The following JAM2 variants were observed in gnomAD, a reference collection of about 807,000 sequenced individuals.
JAM2 encodes junctional adhesion molecule B.
In JAM2, 17 loss-of-function variants were observed where a neutral mutation model predicts 42.0. The observed-to-expected ratio is 0.40, with a 90% CI of 0.28 to 0.61. The LOEUF (loss-of-function observed/expected upper bound fraction) is 0.61, where lower values mean the gene tolerates loss of function less well. Among genes scored for constraint, JAM2 ranks in the 20% least tolerant of loss-of-function variants. The pLI is 0.37. For synonymous variants in JAM2, 118 were observed against 128.6 expected (o/e 0.92, Z 0.56); for missense variants, 319 against 358.3 (o/e 0.89, Z 0.89).
At chr21:25,695,641 G>A (rs2123391967) in intron 4 of JAM2, among the ~76,000 whole-genome samples, 1 of 151,676 alleles carries the variant, frequency 6.6e-6, no homozygotes, top group South Asian at 2.1e-4. Flanking sequence ...CGGCGGCAGG[G>A]CGGAGATGCT....
chr21:25,710,825 T>C (rs931909942), intron 8 of JAM2, among the ~76,000 whole-genome samples: 4 of 152,222 alleles, frequency 2.6e-5, no homozygotes, highest in Non-Finnish European at 4.4e-5. Context: ...GGTGTCATTT[T>C]AATTTTTCAA....
chr21:25,689,067 G>C (rs2033818970), intron 2 of JAM2, among the ~76,000 whole-genome samples: 1 of 151,834 alleles, frequency 6.6e-6, no homozygotes, highest in African/African-American at 2.4e-5. Context: ...TGAAAAGAAG[G>C]GGGTTCCTTT....
chr21:25,663,256 C>G (rs558366570), intron 1 of JAM2, among the ~76,000 whole-genome samples: 5 of 152,232 alleles, frequency 3.3e-5, no homozygotes, highest in Middle Eastern at 3.4e-3. Context: ...TTGAAGGAAC[C>G]TGGAATTCAT....
At chr21:25,648,372 T>A (rs1321215449) in intron 1 of JAM2, among the ~76,000 whole-genome samples, 1 of 152,130 alleles carries the variant, frequency 6.6e-6, no homozygotes, top group Non-Finnish European at 1.5e-5. Flanking sequence ...CCTAAGCATA[T>A]TGGAGACATG....
intron 8 of JAM2, 79 bp downstream of exon 8, chr21:25,709,528 G>C: frequency 2.1e-6 from 2 of 951,370 alleles, no homozygotes; most frequent in Non-Finnish European, 3.2e-6. Context: ...AAAGTCAAAA[G>C]AGAGAAGTTG....
At chr21:25,673,196 T>G (rs2033401186) in intron 1 of JAM2, among the ~76,000 whole-genome samples, 1 of 152,214 alleles carries the variant, frequency 6.6e-6, no homozygotes, top group Admixed American at 6.5e-5. Context: ...ATTGAACATG[T>G]GCAGGACAAT....
At chr21:25,686,351 T>A (rs1428078442) in intron 2 of JAM2, among the ~76,000 whole-genome samples, 1 of 152,258 alleles carries the variant, frequency 6.6e-6, no homozygotes, top group East Asian at 1.9e-4. Flanking sequence ...TCATAAGGCA[T>A]AAATACATTT....
At chr21:25,712,181 A>T in intron 8 of JAM2, 159 bp from the exon 9 acceptor site, 2 of 663,230 alleles carry the variant, frequency 3.0e-6, no homozygotes, top group Admixed American at 2.1e-5. Flanking sequence ...GTCTGTAAAT[A>T]TAAGAAATTC....
At chr21:25,694,178 A>T (rs1419192586) in intron 4 of JAM2, among the ~76,000 whole-genome samples, 1 of 152,238 alleles carries the variant, frequency 6.6e-6, no homozygotes, top group Non-Finnish European at 1.5e-5. Context: ...TACAATATAC[A>T]TAGGAGTATC....
chr21:25,686,805 A>C (rs569911370), intron 2 of JAM2, among the ~76,000 whole-genome samples: 10 of 152,248 alleles, frequency 6.6e-5, no homozygotes, highest in Non-Finnish European at 1.3e-4. Context: ...AAATCAAAGG[A>C]TAATTAGCAG....
chr21:25,696,019 T>A (rs1384298525), intron 4 of JAM2, among the ~76,000 whole-genome samples: 1 of 152,078 alleles, frequency 6.6e-6, no homozygotes, highest in African/African-American at 2.4e-5. Flanking sequence ...CTCGGCACTT[T>A]GGGAGGCCAA....
At chr21:25,680,474 G>C (rs1434532339) in intron 1 of JAM2, among the ~76,000 whole-genome samples, 3 of 152,234 alleles carry the variant, frequency 2.0e-5, no homozygotes, top group African/African-American at 7.2e-5. Context: ...CAGCACCTAA[G>C]TTTCTGGTGT....
At chr21:25,697,423 G>T (rs879808428) in intron 4 of JAM2, among the ~76,000 whole-genome samples, 23 of 152,198 alleles carry the variant, frequency 1.5e-4, no homozygotes, top group Admixed American at 1.4e-3. Flanking sequence ...TGCAATCTTG[G>T]GAGACTACCT....
intron 1 of JAM2, 22 bp from the exon 2 acceptor site, chr21:25,683,861 C>G: frequency 6.5e-7 from 1 of 1,534,142 alleles, no homozygotes; most frequent in East Asian, 2.3e-5. Flanking sequence ...TTTTAATTAT[C>G]CTATCTGTTT....
chr21:25,641,558 A>T lies in JAM2; in HGVS notation c.67+1670A>T, dbSNP rs190105871. Reference sequence around the variant, plus strand: ...TATATTGTTCCTGGGATACTAAAAGATCTGGCATTGCAAGAGTGTTTTCTT... The same window carrying T: ...TATATTGTTCCTGGGATACTAAAAGTTCTGGCATTGCAAGAGTGTTTTCTT... On this transcript the variant is annotated intron_variant, in intron 1 of 9. Coordinates refer to ENST00000480456, the MANE Select transcript of JAM2 (RefSeq NM_021219.4). Among the ~76,000 whole-genome samples the T allele has an allele frequency of 2.5e-3, 385 of 151,704 alleles. 2 individuals carry two copies. Among genetic ancestry groups the T allele is most frequent in the African/African-American group, 8.7e-3 (358 of 41,370 alleles).
chr21:25,663,557 T>C (rs1238529895), intron 1 of JAM2, among the ~76,000 whole-genome samples: 1 of 152,168 alleles, frequency 6.6e-6, no homozygotes. Context: ...AACCCATTCA[T>C]AGATTAACAA....
chr21:25,695,586 C>G (rs1391472889), intron 4 of JAM2, among the ~76,000 whole-genome samples: 2 of 141,612 alleles, frequency 1.4e-5, no homozygotes, highest in Non-Finnish European at 3.0e-5. Context: ...CCGGACGGGG[C>G]GGCGGCCGGG....
chr21:25,712,493 C>T (rs1357985221), intron 9 of JAM2, 111 bp downstream of exon 9: 1 of 713,778 alleles, frequency 1.4e-6, no homozygotes, highest in African/African-American at 1.8e-5. Flanking sequence ...CACTTTGCAC[C>T]AGTGTCTATC....
intron 1 of JAM2, among the ~76,000 whole-genome samples, chr21:25,649,260 A>G (rs2032701994): frequency 6.6e-6 from 1 of 152,202 alleles, no homozygotes. Context: ...AAGACTGGGT[A>G]ATTTACAAAG....
Sources: gnomAD v4.1 joint callset for allele counts (sites outside exome capture counted in the v4.1 genomes callset) on GRCh38, gnomAD v4.1.1 for gene constraint, MANE v1.5 for transcripts, NCBI Gene and HGNC (gene_info 2026-07-23, HGNC 2026-07-21) for gene names.